Variants in TRDN observed in about 807,000 individuals in gnomAD.
TRDN encodes triadin in skeletal muscle.
Under a neutral mutation model 149.7 loss-of-function variants are expected in TRDN, and 161 were observed. That is an observed-to-expected ratio of 1.08 (90% CI 0.95 to 1.23). The LOEUF is 1.23. Among genes scored for constraint, TRDN ranks in the 50% most tolerant of loss-of-function variants. The pLI, the probability that TRDN is intolerant of heterozygous loss-of-function variation, is 0.00. For synonymous variants in TRDN, 294 were observed against 250.5 expected (o/e 1.17, Z -1.64); for missense variants, 896 against 823.5 (o/e 1.09, Z -1.08).
intron 39 of TRDN, among the ~76,000 whole-genome samples, chr6:123,223,730 T>TTCCG: frequency 6.7e-6 from 1 of 148,800 alleles, no homozygotes; most frequent in South Asian, 2.1e-4. Flanking sequence ...CCTTCCTTCC[T>TTCCG]TCCTGATGGT....
intron 31 of TRDN, among the ~76,000 whole-genome samples, chr6:123,269,013 G>T (rs962136197): frequency 6.6e-6 from 1 of 151,936 alleles, no homozygotes; most frequent in Middle Eastern, 3.4e-3. Context: ...GTTCACCTTT[G>T]GGTCTTGTGA....
At chr6:123,328,573 T>C (rs554154546) in intron 23 of TRDN, among the ~76,000 whole-genome samples, 32 of 152,290 alleles carry the variant, frequency 2.1e-4, no homozygotes, top group Admixed American at 6.5e-4. Context: ...AAGTACACTT[T>C]GATGGCTCCA....
intron 4 of TRDN, 47 bp from the exon 5 acceptor site, chr6:123,530,612 A>C (rs567570964): frequency 9.1e-7 from 1 of 1,096,360 alleles, no homozygotes; most frequent in Non-Finnish European, 1.2e-6. Context: ...AAAATGTATA[A>C]AATTTAAGCC....
chr6:123,447,257 A>T (rs77871777), intron 10 of TRDN, among the ~76,000 whole-genome samples: 143 of 152,324 alleles, frequency 9.4e-4, no homozygotes, highest in African/African-American at 3.1e-3. Context: ...CATACAATTT[A>T]TTCACATAAA....
At chr6:123,308,036 A>AAGTGTCT (rs1232278935) in intron 24 of TRDN, among the ~76,000 whole-genome samples, 1 of 151,666 alleles carries the variant, frequency 6.6e-6, no homozygotes, top group African/African-American at 2.4e-5. Context: ...TAGTAGTCCT[A>AAGTGTCT]AGTGTCTATT....
chr6:123,556,763 T>G (rs1283665009), intron 2 of TRDN, among the ~76,000 whole-genome samples: 1 of 152,076 alleles, frequency 6.6e-6, no homozygotes, highest in African/African-American at 2.4e-5. Flanking sequence ...AGTCTGTCCC[T>G]CTCCTCTAGA....
chr6:123,272,195 A>C (rs992572475), intron 29 of TRDN, among the ~76,000 whole-genome samples: 1 of 151,974 alleles, frequency 6.6e-6, no homozygotes, highest in African/African-American at 2.4e-5. Flanking sequence ...AAGTAAGCAA[A>C]GGATTTCCTA....
At chr6:123,551,600 C>A (rs1781395905) in intron 2 of TRDN, among the ~76,000 whole-genome samples, 1 of 151,932 alleles carries the variant, frequency 6.6e-6, no homozygotes, top group Non-Finnish European at 1.5e-5. Context: ...TTAAAAATAA[C>A]AGTCAGACAC....
At chr6:123,244,932 G>A (rs948542651) in intron 38 of TRDN, among the ~76,000 whole-genome samples, 1 of 152,120 alleles carries the variant, frequency 6.6e-6, no homozygotes, top group Non-Finnish European at 1.5e-5. Context: ...GAGAGTGGGG[G>A]CCAATATTCA....
At chr6:123,263,721 C>T (rs113320165) in intron 33 of TRDN, among the ~76,000 whole-genome samples, 1 of 152,074 alleles carries the variant, frequency 6.6e-6, no homozygotes, top group African/African-American at 2.4e-5. Flanking sequence ...CAATATCTGG[C>T]TTCAAAGCTT....
rs138861139 is a variant in TRDN at position 123,249,100 on chromosome 6, G to C, written c.1975+3312C>G. Among the ~76,000 whole-genome samples, 10 of 152,174 alleles carry C rather than the reference G, an allele frequency of 6.6e-5. No homozygotes were observed. In the East Asian group the frequency reaches 1.9e-3, roughly 29 times the overall value. ...ATAAACCTGATACATCACATCAACA[G>C]ATTGAAGGACAACCCATTTGAAAAG... On this transcript the variant is annotated intron_variant, in intron 38 of 40. Transcript: ENST00000334268.
In TRDN at chr6:123,444,177, G is replaced by A. The variant is rs1244180814; in HGVS notation, c.932-5174C>T. 2.1e-5 allele frequency among the ~76,000 whole-genome samples: 3 copies of A among 143,328 alleles called. No individual in the cohort carries two copies. In the East Asian group the frequency reaches 5.9e-4, roughly 28 times the overall value. 94.0% of individuals were successfully genotyped at this position (143,328 alleles called of 152,430 possible). On this transcript the variant is annotated intron_variant, in intron 10 of 40. Coordinates refer to ENST00000334268, the MANE Select transcript of TRDN (RefSeq NM_006073.4). ...GCATGGAATGTTCTTCCATTTGTTTGTATCCTCTTTTATTTCATTGAGCAG... is the reference window on the plus strand; with the variant it reads ...GCATGGAATGTTCTTCCATTTGTTTATATCCTCTTTTATTTCATTGAGCAG...
chr6:123,374,925 T>G lies in TRDN; in HGVS notation c.1273+680A>C, dbSNP rs1181990825. On this transcript the variant is annotated intron_variant, in intron 19 of 40. Coordinates refer to ENST00000334268, the MANE Select transcript of TRDN (RefSeq NM_006073.4). The stretch of plus-strand genomic sequence containing the variant: ...AGCACATTGATGTCACGCATAGAAC[T>G]GAGGACTGACTTAAATCCTATATAC... Among the ~76,000 whole-genome samples the G allele has an allele frequency of 5.3e-5, 8 of 152,320 alleles. No individual in the cohort carries two copies. The East Asian group carries it at 7.7e-4, about 15-fold the overall frequency.
chr6:123,385,302 C>A (rs2114432271), intron 14 of TRDN, among the ~76,000 whole-genome samples: 1 of 152,034 alleles, frequency 6.6e-6, no homozygotes, highest in African/African-American at 2.4e-5. Context: ...GTAGCAGCCG[C>A]CTGTAGTACC....
At chr6:123,554,895 A>G (rs980997707) in intron 2 of TRDN, among the ~76,000 whole-genome samples, 1 of 152,210 alleles carries the variant, frequency 6.6e-6, no homozygotes, top group South Asian at 2.1e-4. Flanking sequence ...AAGGTCTGGC[A>G]TTATTTGTTA....
chr6:123,553,093 A>G (rs1781477634), intron 2 of TRDN, among the ~76,000 whole-genome samples: 1 of 152,302 alleles, frequency 6.6e-6, no homozygotes, highest in South Asian at 2.1e-4. Flanking sequence ...TAATTAGTAA[A>G]CATCAACGTG....
chr6:123,455,059 A>G (rs1303124960), intron 10 of TRDN, among the ~76,000 whole-genome samples: 1 of 152,228 alleles, frequency 6.6e-6, no homozygotes, highest in East Asian at 1.9e-4. Context: ...GGCAGAAAAG[A>G]AGTGCCACCT....
intron 12 of TRDN, among the ~76,000 whole-genome samples, chr6:123,409,715 A>ACACACACACACACC (rs35355392): frequency 2.6e-5 from 4 of 151,370 alleles, no homozygotes; most frequent in African/African-American, 9.7e-5. Flanking sequence ...ACACACACAC[A>ACACACACACACACC]CCCAAAACTC....
chr6:123,558,548 C>T (rs759968742), intron 2 of TRDN, among the ~76,000 whole-genome samples: 1 of 152,124 alleles, frequency 6.6e-6, no homozygotes, highest in African/African-American at 2.4e-5. Flanking sequence ...ATGAAAAACC[C>T]AGCCCAGTTC....
Sources: gnomAD v4.1 joint callset for allele counts (sites outside exome capture counted in the v4.1 genomes callset) on GRCh38, gnomAD v4.1.1 for gene constraint, MANE v1.5 for transcripts, NCBI Gene and HGNC (gene_info 2026-07-23, HGNC 2026-07-21) for gene names.